Variants in PRAMEF9 observed in about 807,000 individuals in gnomAD.
PRAMEF9 encodes PRAME family member 9/15.
PRAMEF9 carries 1 observed loss-of-function variant against 10.9 expected under a neutral mutation model. The observed-to-expected ratio is 0.09, with a 90% CI of 0.03 to 0.44. The LOEUF (loss-of-function observed/expected upper bound fraction) is 0.44, where lower values mean the gene tolerates loss of function less well. PRAMEF9 is among the 20% of genes least tolerant of loss of function. The probability of loss-of-function intolerance (pLI) is 0.97; values close to 1 mark genes in which losing one functional copy is unlikely to be tolerated. For synonymous variants in PRAMEF9, 40 were observed against 148.3 expected (o/e 0.27, Z 5.31); for missense variants, 126 against 379.8 (o/e 0.33, Z 5.55).
In PRAMEF9 at chr1:13,178,463, C is replaced by A; in HGVS notation, c.876-108C>A. ...TGACCATCAGGCCATCAGAATGACC[C>A]TGGACTTGGGCAAAATGGTCTCCAT... On this transcript the variant is annotated intron_variant, in intron 3 of 3. Transcript: ENST00000415919. 3.4e-6 allele frequency: 2 copies of A among 582,818 alleles called. 1 individual carries two copies. Among genetic ancestry groups the A allele is most frequent in the Non-Finnish European group, 4.9e-6 (2 of 410,470 alleles). 36.1% of individuals were successfully genotyped at this position (582,818 alleles called of 1,614,324 possible). A position where few individuals can be genotyped will look rare whatever the true frequency, so the allele number is the denominator to read the frequency against.
chr1:13,179,079 G>A lies in PRAMEF9; in HGVS notation c.1384G>A (p.Asp462Asn), dbSNP rs782257362. The change falls in exon 4 of 4, where the codon GAC (aspartate) becomes AAC (asparagine). Residue 462 changes from aspartate (D) to asparagine (N), a missense_variant. Coordinates refer to ENST00000415919, the MANE Select transcript of PRAMEF9 (RefSeq NM_001010890.3). ...CTTTTTCTGTATTGACAACTGCCCT[G>A]ACTGTGGCAACAGGTCATTTTATGA... ...RIFFCIDNCPDCGNRSFYDLE... is the reference protein window; with the variant it reads ...RIFFCIDNCPNCGNRSFYDLE... The A allele has an allele frequency of 2.3e-5, 36 of 1,541,274 alleles. 4 individuals are homozygous for A. Among genetic ancestry groups the A allele is most frequent in the Non-Finnish European group, 2.7e-5 (30 of 1,122,754 alleles).
chr1:13,175,559 A>G lies in PRAMEF9; in HGVS notation c.279A>G (p.Gln93=), dbSNP rs1311490266. 3 of 1,533,202 alleles carry G rather than the reference A, an allele frequency of 2.0e-6. 1 individual carries two copies. The highest frequency in any genetic ancestry group is 2.7e-5 in the African/African-American group (2 of 73,764). The allele number at this position is 1,533,202 out of a possible 1,614,324, so 95.0% of individuals were successfully genotyped here. ...VLDGLDALLT[Q]GVCPRRWKLQ... is the part of the protein sequence containing the mutation. The stretch of plus-strand genomic sequence containing the variant: ...ATGGGCTGGATGCACTGCTTACCCA[A>G]GGGGTTTGTCCCAGGTGAGGTGGCC... Residue 93 remains glutamine (Q), a synonymous_variant, in exon 2 of 4, where the codon CAA becomes CAG. Transcript: ENST00000415919.
At position 13,177,752 on chromosome 1, in the gene PRAMEF9, G is replaced by GTT. The variant is rs1439990066; in HGVS notation, c.876-818_876-817insTT. ...CCATCTCTAATTCCCTGTTGTAAAA[G>GTT]TGTTTTGAGCTCCAGGTAAATTAAT... On this transcript the variant is annotated intron_variant, in intron 3 of 3. Coordinates refer to ENST00000415919, the MANE Select transcript of PRAMEF9 (RefSeq NM_001010890.3). The GTT allele has an allele frequency of 5.4e-5, 3 of 55,392 alleles. 1 individual carries two copies. The highest frequency in any genetic ancestry group is 1.5e-4 in the Non-Finnish European group (3 of 20,562). 3.4% of individuals were successfully genotyped at this position (55,392 alleles called of 1,614,324 possible). A position where few individuals can be genotyped will look rare whatever the true frequency, so the allele number is the denominator to read the frequency against.
rs1638331617 is a variant in PRAMEF9 at position 13,172,268 on chromosome 1, T to C, written c.-281T>C. ...TATAGATATGTGATATGAATGGACA[T>C]CTGATTCAATCCATTAATCTGGGGA... On this transcript the variant is annotated 5_prime_UTR_variant, in exon 1 of 4. Coordinates refer to ENST00000415919, the MANE Select transcript of PRAMEF9 (RefSeq NM_001010890.3). 1 of 144,792 alleles carries C rather than the reference T, an allele frequency of 6.9e-6. No individual in the cohort carries two copies. Among genetic ancestry groups the C allele is most frequent in the African/African-American group, 2.4e-5 (1 of 41,072 alleles). 9.0% of individuals were successfully genotyped at this position (144,792 alleles called of 1,614,324 possible).
chr1:13,172,756 G>A (rs1638341261), intron 1 of PRAMEF9: 1 of 140,192 alleles, frequency 7.1e-6, no homozygotes, highest in Admixed American at 7.4e-5. Context: ...ATTCTTGAAG[G>A]GAGCAGTGAC....
rs1638334572 is a variant in PRAMEF9 at position 13,172,406 on chromosome 1, A to T, written c.-143A>T. The T allele has an allele frequency of 7.0e-6, 1 of 143,202 alleles. No individual in the cohort carries two copies. Among genetic ancestry groups the T allele is most frequent in the African/African-American group, 2.4e-5 (1 of 40,910 alleles). 8.9% of individuals were successfully genotyped at this position (143,202 alleles called of 1,614,324 possible). On this transcript the variant is annotated 5_prime_UTR_variant, in exon 1 of 4. Transcript: ENST00000415919. Reference sequence around the variant, plus strand: ...GGATACGTGGAGGGGCGTGGGTGGGAGTTATGATTAGAAAGGTCAATAAAA... The same window carrying T: ...GGATACGTGGAGGGGCGTGGGTGGGTGTTATGATTAGAAAGGTCAATAAAA...
rs782036377 is a variant in PRAMEF9, at chr1:13,179,035, T to G, written c.1340T>G (p.Leu447Ter). The G allele has an allele frequency of 1.9e-6, 3 of 1,541,410 alleles. No homozygotes were observed. Among genetic ancestry groups the G allele is most frequent in the South Asian group, 1.1e-5 (1 of 89,106 alleles). ...RAELMNRVRD[L>*]RHPKRIFFCI... is the part of the protein sequence containing the mutation. The stretch of plus-strand genomic sequence containing the variant: ...GAGCTGATGAACAGAGTGAGGGACT[T>G]AAGGCACCCCAAGAGGATCTTTTTC... The change falls in exon 4 of 4, where the codon TTA (leucine) becomes TGA (stop). Residue 447 changes from leucine to a stop codon, truncating the protein, a stop_gained. Coordinates refer to ENST00000415919, the MANE Select transcript of PRAMEF9 (RefSeq NM_001010890.3). LOFTEE classifies it low-confidence loss of function (END_TRUNC).
intron 1 of PRAMEF9, chr1:13,173,029 ACCATG>A (rs1638346236): frequency 1.8e-5 from 2 of 113,644 alleles, no homozygotes; most frequent in Admixed American, 1.0e-4. Context: ...GACATCTGAA[ACCATG>A]CCTGGCTAAT....
At position 13,178,928 on chromosome 1, in the gene PRAMEF9, C is replaced by A; in HGVS notation, c.1233C>A (p.Cys411Ter). 6.5e-7 allele frequency: 1 copy of A among 1,529,926 alleles called. No individual in the cohort carries two copies. Among genetic ancestry groups the A allele is most frequent in the South Asian group, 1.1e-5 (1 of 88,724 alleles). 94.8% of individuals were successfully genotyped at this position (1,529,926 alleles called of 1,614,324 possible). ...ACACAATCATACTCAAAAACTTATG[C>A]GTGGAGGTGTATCCTGCCCCGCGGG... ...LSHTIILKNL[C>*]VEVYPAPRES... Residue 411 changes from cysteine to a stop codon, truncating the protein, a stop_gained, in exon 4 of 4, where the codon TGC becomes TGA. Coordinates refer to ENST00000415919, the MANE Select transcript of PRAMEF9 (RefSeq NM_001010890.3). LOFTEE classifies it low-confidence loss of function (END_TRUNC).
Position 13,172,170 on chromosome 1 carries a change from T to C in PRAMEF9, c.-379T>C, listed in dbSNP as rs1243322354. 6.9e-6 allele frequency: 1 copy of C among 144,734 alleles called. No individual in the cohort carries two copies. Among genetic ancestry groups the C allele is most frequent in the Non-Finnish European group, 1.6e-5 (1 of 63,996 alleles). The allele number at this position is 144,734 out of a possible 1,614,324, so 9.0% of individuals were successfully genotyped here. A position where few individuals can be genotyped will look rare whatever the true frequency, so the allele number is the denominator to read the frequency against. ...GATTACAGGTGTGAGCCACTTCGTC[T>C]GGCCTTGAATGAATGTATTCTTGAC... On this transcript the variant is annotated 5_prime_UTR_variant, in exon 1 of 4. Transcript: ENST00000415919.
At position 13,179,210 on chromosome 1, in the gene PRAMEF9, T is replaced by A. The variant is rs1173404290; in HGVS notation, c.*78T>A. 2.5e-6 allele frequency: 3 copies of A among 1,222,986 alleles called. No individual in the cohort carries two copies. Among genetic ancestry groups the A allele is most frequent in the Admixed American group, 4.0e-5 (2 of 50,018 alleles). 75.8% of individuals were successfully genotyped at this position (1,222,986 alleles called of 1,614,324 possible). ...AACTAAAACCTAGGTCTTAGGTACA[T>A]CCTAAAGGGAGCACAGAACCCATCA... On this transcript the variant is annotated 3_prime_UTR_variant, in exon 4 of 4. Coordinates refer to ENST00000415919, the MANE Select transcript of PRAMEF9 (RefSeq NM_001010890.3).
intron 1 of PRAMEF9, 161 bp downstream of exon 1, chr1:13,172,693 T>C (rs1212787454): frequency 3.7e-5 from 5 of 134,636 alleles, no homozygotes; most frequent in African/African-American, 1.2e-4. Flanking sequence ...CTAAATGCAG[T>C]TCTGTCTTTA....
At position 13,175,571 on chromosome 1, in the gene PRAMEF9, C is replaced by G; in HGVS notation, c.291C>G (p.Pro97=). Residue 97 remains proline (P), a splice_region_variant and synonymous_variant, in exon 2 of 4, where the codon CCC becomes CCG. Transcript: ENST00000415919. ...LDALLTQGVC[P]RRWKLQVLDL... is the part of the protein sequence containing the mutation. ...CACTGCTTACCCAAGGGGTTTGTCC[C>G]AGGTGAGGTGGCCCAGGTGGGCTGG... 1 of 1,531,578 alleles carries G rather than the reference C, an allele frequency of 6.5e-7. No homozygotes were observed. The highest frequency in any genetic ancestry group is 8.9e-7 in the Non-Finnish European group (1 of 1,117,574). 94.9% of individuals were successfully genotyped at this position (1,531,578 alleles called of 1,614,324 possible). A position where few individuals can be genotyped will look rare whatever the true frequency, so the allele number is the denominator to read the frequency against.
chr1:13,175,081 C>T lies in PRAMEF9; in HGVS notation c.-16-184C>T, dbSNP rs1254396445. The stretch of plus-strand genomic sequence containing the variant: ...CCCTGCTTCCTCACTGCTTCGGAGA[C>T]GCTCATGCTGATGCAGCAGAGGCAG... On this transcript the variant is annotated intron_variant, in intron 1 of 3. Coordinates refer to ENST00000415919, the MANE Select transcript of PRAMEF9 (RefSeq NM_001010890.3). 1.0e-4 allele frequency: 66 copies of T among 651,794 alleles called. 5 individuals are homozygous for T. Among genetic ancestry groups the T allele is most frequent in the East Asian group, 7.2e-4 (24 of 33,266 alleles). The allele number at this position is 651,794 out of a possible 1,614,324, so 40.4% of individuals were successfully genotyped here.
chr1:13,175,573 G>C lies in PRAMEF9; in HGVS notation c.293G>C (p.Arg98Thr). 4 of 1,531,304 alleles carry C rather than the reference G, an allele frequency of 2.6e-6. No homozygotes were observed. Among genetic ancestry groups the C allele is most frequent in the Non-Finnish European group, 2.7e-6 (3 of 1,117,432 alleles). The allele number at this position is 1,531,304 out of a possible 1,614,324, so 94.9% of individuals were successfully genotyped here. The change falls in exon 2 of 4, where the codon AGG becomes ACG. Residue 98 changes from arginine to threonine, a missense_variant and splice_region_variant. Transcript: ENST00000415919. ...CTGCTTACCCAAGGGGTTTGTCCCA[G>C]GTGAGGTGGCCCAGGTGGGCTGGTG... ...DALLTQGVCP[R>T]RWKLQVLDLQ... is the part of the protein sequence containing the mutation.
rs1259517007 is a variant in PRAMEF9, at chr1:13,179,143, A to G, written c.*11A>G. The stretch of plus-strand genomic sequence containing the variant: ...CAATACTGCTGTTGAATGCCTGCCT[A>G]TTTGGATGGGTATGTCAAACGCTTT... On this transcript the variant is annotated 3_prime_UTR_variant, in exon 4 of 4. Transcript: ENST00000415919. The G allele has an allele frequency of 6.6e-7, 1 of 1,516,588 alleles. No individual in the cohort carries two copies. Among genetic ancestry groups the G allele is most frequent in the African/African-American group, 1.4e-5 (1 of 73,996 alleles). 93.9% of individuals were successfully genotyped at this position (1,516,588 alleles called of 1,614,324 possible).
In PRAMEF9 at chr1:13,172,229, C is replaced by T. The variant is rs1638330985; in HGVS notation, c.-320C>T. 1 of 144,670 alleles carries T rather than the reference C, an allele frequency of 6.9e-6. No individual in the cohort carries two copies. The highest frequency in any genetic ancestry group is 2.4e-5 in the African/African-American group (1 of 41,012). 9.0% of individuals were successfully genotyped at this position (144,670 alleles called of 1,614,324 possible). Reference sequence around the variant, plus strand: ...TATCCCTAACACTGTCAATTTCTTGCTTCGTGAAGTGAATATAGATATGTG... The same window carrying T: ...TATCCCTAACACTGTCAATTTCTTGTTTCGTGAAGTGAATATAGATATGTG... On this transcript the variant is annotated 5_prime_UTR_variant, in exon 1 of 4. Coordinates refer to ENST00000415919, the MANE Select transcript of PRAMEF9 (RefSeq NM_001010890.3).
At chr1:13,172,646 A>T (rs1356711787) in intron 1 of PRAMEF9, 114 bp downstream of exon 1, 1 of 134,808 alleles carries the variant, frequency 7.4e-6, no homozygotes, top group African/African-American at 2.5e-5. Context: ...TTTTTTATAT[A>T]TATATATGAA....
Position 13,175,538 on chromosome 1 carries a change from G to A in PRAMEF9, c.258G>A (p.Gly86=), listed in dbSNP as rs1638372365. The A allele has an allele frequency of 6.5e-7, 1 of 1,534,354 alleles. No homozygotes were observed. Among genetic ancestry groups the A allele is most frequent in the African/African-American group, 1.4e-5 (1 of 73,764 alleles). The stretch of plus-strand genomic sequence containing the variant: ...AGGCCTTCCAAGCTGTGCTCGATGG[G>A]CTGGATGCACTGCTTACCCAAGGGG... ...CLEAFQAVLD[G]LDALLTQGVC... Residue 86 remains glycine (G), a synonymous_variant, in exon 2 of 4, where the codon GGG becomes GGA. Coordinates refer to ENST00000415919, the MANE Select transcript of PRAMEF9 (RefSeq NM_001010890.3).
Sources: allele counts gnomAD v4.1 joint callset, GRCh38; gene constraint gnomAD v4.1.1; transcripts MANE v1.5; gene names NCBI Gene and HGNC (gene_info 2026-07-23, HGNC 2026-07-21).